The following SAMD5 variants were observed in gnomAD, a reference collection of about 807,000 sequenced individuals.
SAMD5 encodes sterile alpha motif domain containing 5.
SAMD5 carries 13 observed loss-of-function variants against 11.3 expected under a neutral mutation model. The observed-to-expected ratio is 1.15, with a 90% CI of 0.75 to 1.83. SAMD5 has a LOEUF of 1.83. SAMD5 is among the 40% of genes most tolerant of loss of function. The probability of loss-of-function intolerance (pLI) is 0.00; values close to 1 mark genes in which losing one functional copy is unlikely to be tolerated. For synonymous variants in SAMD5, 129 were observed against 111.3 expected, an observed-to-expected ratio of 1.16 and a Z score of -1.00; for missense variants, 255 against 239.1, an observed-to-expected ratio of 1.07 and a Z score of -0.44.
chr6:147,932,891 TG>T, the SAMD5 span, among the ~76,000 whole-genome samples: 1 of 152,196 alleles, frequency 6.6e-6, no homozygotes, highest in African/African-American at 2.4e-5. Context: ...AATTGATTTC[TG>T]TAGGAAAATC....
At chr6:147,527,573 TG>T (rs1788361977) in intron 1 of SAMD5, among the ~76,000 whole-genome samples, 1 of 152,024 alleles carries the variant, frequency 6.6e-6, no homozygotes, top group African/African-American at 2.4e-5. Context: ...CCATATCATT[TG>T]GCCCCTGACC....
chr6:147,912,255 G>A, the SAMD5 span, among the ~76,000 whole-genome samples: 1 of 152,178 alleles, frequency 6.6e-6, no homozygotes, highest in Non-Finnish European at 1.5e-5. Context: ...AGGAAGGAGT[G>A]GAGAATTGGA....
At chr6:147,842,445 A>G in the SAMD5 span, among the ~76,000 whole-genome samples, 1 of 151,500 alleles carries the variant, frequency 6.6e-6, no homozygotes, top group Non-Finnish European at 1.5e-5. Context: ...GAAACAGCTA[A>G]TTGTTGTAAT....
chr6:147,875,526 G>C, the SAMD5 span, among the ~76,000 whole-genome samples: 1 of 152,104 alleles, frequency 6.6e-6, no homozygotes, highest in East Asian at 1.9e-4. Context: ...TGTCAGCTGA[G>C]TGTTCTATCC....
chr6:147,828,763 C>T, the SAMD5 span, among the ~76,000 whole-genome samples: 31 of 152,282 alleles, frequency 2.0e-4, no homozygotes, highest in African/African-American at 7.2e-4. Context: ...AGTTCTGTCC[C>T]TTTGGAGAAC....
intron 1 of SAMD5, among the ~76,000 whole-genome samples, chr6:147,667,706 T>G (rs1365272449): frequency 6.6e-6 from 1 of 152,210 alleles, no homozygotes; most frequent in Non-Finnish European, 1.5e-5. Context: ...AGAATACAGT[T>G]GGGCTTTCTG....
the SAMD5 span, among the ~76,000 whole-genome samples, chr6:147,840,045 T>C: frequency 6.6e-6 from 1 of 152,232 alleles, no homozygotes; most frequent in South Asian, 2.1e-4. Context: ...TGTTGTTTAA[T>C]TTTTCTAAAT....
chr6:147,642,051 T>G (rs1397474264), intron 1 of SAMD5, among the ~76,000 whole-genome samples: 1 of 152,216 alleles, frequency 6.6e-6, no homozygotes, highest in African/African-American at 2.4e-5. Context: ...ATACCTTTTG[T>G]TAAAACTTTC....
the SAMD5 span, among the ~76,000 whole-genome samples, chr6:147,745,973 C>A: frequency 1.3e-5 from 2 of 152,046 alleles, no homozygotes; most frequent in African/African-American, 4.8e-5. Context: ...AACTCCTGGC[C>A]TCAAGTCATC....
chr6:147,627,961 C>A (rs1009967813), intron 1 of SAMD5, among the ~76,000 whole-genome samples: 7 of 152,224 alleles, frequency 4.6e-5, no homozygotes, highest in Non-Finnish European at 1.0e-4. Flanking sequence ...ATAATAAAGG[C>A]TGTTGTATTC....
At chr6:147,510,018 G>A (rs963289557) in intron 1 of SAMD5, among the ~76,000 whole-genome samples, 7 of 152,320 alleles carry the variant, frequency 4.6e-5, no homozygotes, top group Non-Finnish European at 1.0e-4. Context: ...GAGGCAATAA[G>A]GTGCTAAGGA....
At chr6:147,947,695 T>C in the SAMD5 span, among the ~76,000 whole-genome samples, 2 of 152,298 alleles carry the variant, frequency 1.3e-5, no homozygotes, top group Admixed American at 1.3e-4. Flanking sequence ...AGAGCTTACT[T>C]TGGAGTTACA....
intron 1 of SAMD5, among the ~76,000 whole-genome samples, chr6:147,642,108 T>A (rs1790321212): frequency 6.6e-6 from 1 of 152,236 alleles, no homozygotes; most frequent in African/African-American, 2.4e-5. Flanking sequence ...ATACACACAT[T>A]ACAAAACTTT....
the SAMD5 span, among the ~76,000 whole-genome samples, chr6:147,788,587 A>G: frequency 6.6e-6 from 1 of 152,226 alleles, no homozygotes; most frequent in African/African-American, 2.4e-5. Flanking sequence ...TACTTTCAAA[A>G]TAAGATTTTC....
downstream of SAMD5, among the ~76,000 whole-genome samples, chr6:147,740,285 CT>C (rs554334544): frequency 8.5e-4 from 130 of 152,290 alleles, no homozygotes; most frequent in African/African-American, 3.0e-3. Flanking sequence ...TAGGATGGTT[CT>C]CTACTGCTCA....
the SAMD5 span, among the ~76,000 whole-genome samples, chr6:147,861,332 T>G: frequency 3.9e-5 from 6 of 152,116 alleles, no homozygotes; most frequent in Admixed American, 2.0e-4. Context: ...GCCCGGCTAA[T>G]TTTTTGTATC....
the SAMD5 span, among the ~76,000 whole-genome samples, chr6:147,917,732 G>T: frequency 1.1e-4 from 17 of 152,174 alleles, no homozygotes; most frequent in Admixed American, 1.1e-3. Flanking sequence ...ATTAACTTTT[G>T]TATAAGGTGT....
chr6:147,822,102 A>C, the SAMD5 span, among the ~76,000 whole-genome samples: 1 of 152,214 alleles, frequency 6.6e-6, no homozygotes, highest in Admixed American at 6.5e-5. Flanking sequence ...GCTCTTATAC[A>C]GTAAGACTAG....
At position 147,721,653 on chromosome 6, in the gene SAMD5, T is replaced by C. The variant is rs1412604444; in HGVS notation, c.163-15664T>C. On this transcript the variant is annotated intron_variant, in intron 1 of 1. Transcript: ENST00000566741. ...ATTTTCTCCCATTTTGTAGGTTGCC[T>C]GTTTACTCTGATGGTAGTTTCTTTT... 2.0e-5 allele frequency among the ~76,000 whole-genome samples: 3 copies of C among 152,228 alleles called. No individual in the cohort carries two copies. The South Asian group carries it at 6.2e-4, about 32-fold the overall frequency.
Sources: gnomAD v4.1 joint callset for allele counts (sites outside exome capture counted in the v4.1 genomes callset) on GRCh38, gnomAD v4.1.1 for gene constraint, MANE v1.5 for transcripts, NCBI Gene and HGNC (gene_info 2026-07-23, HGNC 2026-07-21) for gene names.